The following NXN variants were observed in gnomAD, a reference collection of about 807,000 sequenced individuals.
NXN encodes the protein nucleoredoxin, also known as nucleoredoxin 1.
NXN carries 16 observed loss-of-function variants against 48.6 expected under a neutral mutation model. The observed-to-expected ratio is 0.33, with a 90% CI of 0.22 to 0.50. The LOEUF (loss-of-function observed/expected upper bound fraction) is 0.50, where lower values mean the gene tolerates loss of function less well. NXN is among the 20% of genes least tolerant of loss of function. The pLI, the probability that NXN is intolerant of heterozygous loss-of-function variation, is 0.98. For missense variants in NXN, 492 were observed against 605.5 expected (o/e 0.81, Z 1.97); for synonymous variants, 281 against 269.6 (o/e 1.04, Z -0.41).
rs371185520 is a variant in NXN, at chr17:866,798, T to A, written c.361-40720A>T. Among the ~76,000 whole-genome samples, 184 of 152,358 alleles carry A rather than the reference T, an allele frequency of 1.2e-3. 6 individuals are homozygous for A. The South Asian group carries it at 0.036, about 30-fold the overall frequency. ...ACTGCTAGATGTGGACTAATCTGGT[T>A]TGTGATCTGAAAATACATATTCTTA... On this transcript the variant is annotated intron_variant, in intron 1 of 7. Coordinates refer to ENST00000336868, the MANE Select transcript of NXN (RefSeq NM_022463.5).
intron 6 of NXN, 48 bp downstream of exon 6, chr17:805,020 T>TACCCC: frequency 2.6e-6 from 4 of 1,512,878 alleles, no homozygotes; most frequent in Admixed American, 2.0e-5. Flanking sequence ...GCCCCTCCTG[T>TACCCC]CCCGCCCCCC....
At chr17:883,383 G>A (rs978356338) in intron 1 of NXN, among the ~76,000 whole-genome samples, 1 of 151,974 alleles carries the variant, frequency 6.6e-6, no homozygotes, top group South Asian at 2.1e-4. Context: ...AGCAGAAGCT[G>A]CTCACTGGCT....
Position 979,480 on chromosome 17 carries a change from C to T in NXN, c.199G>A (p.Gly67Arg). ...YGRLRGDAAAGPGPGAGAGAA... is the reference protein window; with the variant it reads ...YGRLRGDAAARPGPGAGAGAA... ...CCGGCCCCCGCTCCCGGCCCCGGCCCGGCCGCCGCGTCCCCCCGCAGGCGC... is the reference window on the plus strand; with the variant it reads ...CCGGCCCCCGCTCCCGGCCCCGGCCTGGCCGCCGCGTCCCCCCGCAGGCGC... Residue 67 changes from glycine to arginine, a missense_variant, in exon 1 of 8, where the codon GGG becomes AGG. Coordinates refer to ENST00000336868, the MANE Select transcript of NXN (RefSeq NM_022463.5). 8.4e-7 allele frequency: 1 copy of T among 1,193,564 alleles called. No homozygotes were observed. Among genetic ancestry groups the T allele is most frequent in the South Asian group, 3.5e-5 (1 of 28,882 alleles). The allele number at this position is 1,193,564 out of a possible 1,614,324, so 73.9% of individuals were successfully genotyped here. A position where few individuals can be genotyped will look rare whatever the true frequency, so the allele number is the denominator to read the frequency against.
chr17:848,696 C>T (rs939299501), intron 1 of NXN, among the ~76,000 whole-genome samples: 17 of 152,210 alleles, frequency 1.1e-4, no homozygotes, highest in African/African-American at 3.9e-4. Flanking sequence ...CCAAATGCCT[C>T]CTACTGAGAG....
chr17:926,892 G>A (rs189665429), intron 1 of NXN, among the ~76,000 whole-genome samples: 8 of 152,142 alleles, frequency 5.3e-5, no homozygotes, highest in African/African-American at 1.4e-4. Context: ...TAATGAAAGA[G>A]TCTGGGGATA....
intron 1 of NXN, among the ~76,000 whole-genome samples, chr17:925,632 G>T: frequency 6.6e-6 from 1 of 152,196 alleles, no homozygotes. Context: ...CAGGTGATCC[G>T]CCCGCCTCAG....
intron 1 of NXN, among the ~76,000 whole-genome samples, chr17:840,733 G>T (rs1476685128): frequency 6.6e-6 from 1 of 152,204 alleles, no homozygotes; most frequent in Admixed American, 6.5e-5. Context: ...GACAGGCAGA[G>T]GATCCGATCG....
At chr17:874,479 G>T (rs2068193255) in intron 1 of NXN, among the ~76,000 whole-genome samples, 1 of 152,240 alleles carries the variant, frequency 6.6e-6, no homozygotes, top group African/African-American at 2.4e-5. Context: ...AGCTACTCGG[G>T]AGGCTGACAC....
chr17:828,869 G>A (rs1296556137), intron 1 of NXN, among the ~76,000 whole-genome samples: 1 of 151,612 alleles, frequency 6.6e-6, no homozygotes, highest in Non-Finnish European at 1.5e-5. Context: ...TTTAGAAAAG[G>A]AAGATTAAAA....
chr17:869,377 G>A (rs533860954), intron 1 of NXN, among the ~76,000 whole-genome samples: 7 of 152,056 alleles, frequency 4.6e-5, no homozygotes, highest in Non-Finnish European at 7.4e-5. Context: ...CAGGAGCCCC[G>A]ACAAGCGACC....
intron 1 of NXN, among the ~76,000 whole-genome samples, chr17:951,700 T>C (rs369505035): frequency 4.0e-5 from 6 of 151,542 alleles, no homozygotes; most frequent in East Asian, 1.9e-4. Flanking sequence ...ACCTCAGGCA[T>C]GAGTCTGGGC....
intron 1 of NXN, among the ~76,000 whole-genome samples, chr17:876,236 G>GGAGAA (rs907210351): frequency 1.3e-4 from 17 of 135,420 alleles, no homozygotes; most frequent in Non-Finnish European, 2.4e-4. Context: ...AAGAAAGAAA[G>GGAGAA]GAGAAGAGAA....
chr17:818,766 T>C (rs1178291517), intron 5 of NXN, among the ~76,000 whole-genome samples: 2 of 151,664 alleles, frequency 1.3e-5, no homozygotes, highest in African/African-American at 4.8e-5. Flanking sequence ...GCGCCTGTAG[T>C]CCCAGCTACT....
intron 1 of NXN, among the ~76,000 whole-genome samples, chr17:881,611 C>T (rs2068285289): frequency 6.6e-6 from 1 of 152,158 alleles, no homozygotes; most frequent in Non-Finnish European, 1.5e-5. Context: ...AATTCTACCG[C>T]TCAGGATTCC....
intron 1 of NXN, among the ~76,000 whole-genome samples, chr17:944,682 GGAAGAAAC>G (rs2150609776): frequency 6.6e-6 from 1 of 152,260 alleles, no homozygotes; most frequent in East Asian, 1.9e-4. Context: ...ACCAGAAAGG[GGAAGAAAC>G]TCCTTCCTCA....
chr17:929,999 CG>C (rs1397914798), intron 1 of NXN: 2 of 149,750 alleles, frequency 1.3e-5, no homozygotes, highest in African/African-American at 2.5e-5. Flanking sequence ...CAATCAATGA[CG>C]GGGGTTAGAA....
chr17:842,171 A>G (rs1398324121), intron 1 of NXN, among the ~76,000 whole-genome samples: 1 of 152,022 alleles, frequency 6.6e-6, no homozygotes, highest in Non-Finnish European at 1.5e-5. Flanking sequence ...ACACCCTTCC[A>G]ATTAAACCTG....
chr17:936,046 C>T lies in NXN; in HGVS notation c.360+43273G>A, dbSNP rs192683139. Among the ~76,000 whole-genome samples the T allele has an allele frequency of 1.1e-3, 168 of 146,756 alleles. 1 individual carries two copies. The highest frequency in any genetic ancestry group is 3.5e-3 in the African/African-American group (139 of 39,348). Reference sequence around the variant, plus strand: ...GGTGGAGGTTGCGGCGAGCCAAGATCGTGCCACTGCACTCCAGCCTGGGCA... The same window carrying T: ...GGTGGAGGTTGCGGCGAGCCAAGATTGTGCCACTGCACTCCAGCCTGGGCA... On this transcript the variant is annotated intron_variant, in intron 1 of 7. Coordinates refer to ENST00000336868, the MANE Select transcript of NXN (RefSeq NM_022463.5).
rs118079466 is a variant in NXN at position 850,111 on chromosome 17, T to G, written c.361-24033A>C. Reference sequence around the variant, plus strand: ...ACTAAGACAGGTACGTGGGTCTGTGTGTGTGCGTGGAGAGTCCAAGCACAT... The same window carrying G: ...ACTAAGACAGGTACGTGGGTCTGTGGGTGTGCGTGGAGAGTCCAAGCACAT... On this transcript the variant is annotated intron_variant, in intron 1 of 7. Transcript: ENST00000336868. Among the ~76,000 whole-genome samples, 1,203 of 152,296 alleles carry G rather than the reference T, an allele frequency of 7.9e-3. 12 individuals carry two copies. Among genetic ancestry groups the G allele is most frequent in the East Asian group, 0.03 (157 of 5,182 alleles).
Sources: allele counts gnomAD v4.1 joint callset (sites outside exome capture counted in the v4.1 genomes callset), GRCh38; gene constraint gnomAD v4.1.1; transcripts MANE v1.5; gene names NCBI Gene and HGNC (gene_info 2026-07-23, HGNC 2026-07-21).